The following OPCML variants were observed in gnomAD, a reference collection of about 807,000 sequenced individuals.
OPCML encodes opioid binding protein/cell adhesion molecule like, also known as opioid-binding protein/cell adhesion molecule.
In OPCML, 13 loss-of-function variants were observed where a neutral mutation model predicts 37.8. The ratio of observed to expected loss-of-function variants is 0.34; its 90% confidence interval spans 0.22 to 0.55. The LOEUF is 0.55. Ranked by LOEUF, OPCML falls within the 20% of genes least tolerant of loss-of-function variation. OPCML has a pLI of 0.91. For missense variants in OPCML, 341 were observed against 435.6 expected, an observed-to-expected ratio of 0.78 and a Z score of 1.93; for synonymous variants, 176 against 168.8, an observed-to-expected ratio of 1.04 and a Z score of -0.33.
intron 1 of OPCML, among the ~76,000 whole-genome samples, chr11:132,976,815 A>G (rs1946474164): frequency 6.6e-6 from 1 of 152,220 alleles, no homozygotes; most frequent in Non-Finnish European, 1.5e-5. Flanking sequence ...GAAAAAGAAA[A>G]CAGTGTTCTT....
chr11:132,750,570 G>A (rs867623263), intron 2 of OPCML, among the ~76,000 whole-genome samples: 2 of 152,188 alleles, frequency 1.3e-5, no homozygotes, highest in East Asian at 1.9e-4. Context: ...AGTCAAGAAC[G>A]AGGAGAGACA....
rs565943827 is a variant in OPCML at position 133,087,207 on chromosome 11, T to C, written c.62-144197A>G. Among the ~76,000 whole-genome samples the C allele has an allele frequency of 3.9e-5, 6 of 152,366 alleles. No individual in the cohort carries two copies. The South Asian group carries it at 1.2e-3, about 32-fold the overall frequency. ...TTAGGCTCTTTCAACATTATCGTTA[T>C]ATTTACCAACATTTTCCAAGTTGAT... On this transcript the variant is annotated intron_variant, in intron 1 of 7. Coordinates refer to ENST00000524381, the MANE Select transcript of OPCML (RefSeq NM_001012393.5).
chr11:132,466,895 T>C (rs1439550285), intron 4 of OPCML, among the ~76,000 whole-genome samples: 2 of 152,158 alleles, frequency 1.3e-5, no homozygotes, highest in African/African-American at 4.8e-5. Context: ...TTTATAGAGA[T>C]TTATTATAAT....
chr11:133,432,968 A>G (rs1946155529), intron 1 of OPCML, among the ~76,000 whole-genome samples: 1 of 152,216 alleles, frequency 6.6e-6, no homozygotes, highest in Admixed American at 6.5e-5. Context: ...GAATGGTGCC[A>G]TGAACCAAGG....
intron 4 of OPCML, among the ~76,000 whole-genome samples, chr11:132,520,674 ATG>A (rs1555144701): frequency 1.6e-3 from 202 of 128,092 alleles, no homozygotes; most frequent in African/African-American, 3.1e-3. Context: ...CTAAATATAT[ATG>A]TGTGTGTGTG....
At chr11:133,146,045 G>A (rs1949892405) in intron 1 of OPCML, among the ~76,000 whole-genome samples, 1 of 152,296 alleles carries the variant, frequency 6.6e-6, no homozygotes, top group Non-Finnish European at 1.5e-5. Context: ...ATAGATCCAT[G>A]ATTGAAGCGA....
chr11:132,558,291 C>T (rs1190638754), intron 3 of OPCML, among the ~76,000 whole-genome samples: 2 of 115,236 alleles, frequency 1.7e-5, no homozygotes, highest in African/African-American at 8.5e-5. Flanking sequence ...CTTCCTCTTC[C>T]TCTTCTCCCC....
intron 1 of OPCML, among the ~76,000 whole-genome samples, chr11:133,451,435 A>T (rs955111169): frequency 3.3e-5 from 5 of 151,778 alleles, no homozygotes; most frequent in Non-Finnish European, 5.9e-5. Flanking sequence ...CTGCAGTCTC[A>T]CTGGCTTGTG....
At chr11:133,087,936 T>G (rs1261065801) in intron 1 of OPCML, among the ~76,000 whole-genome samples, 1 of 152,210 alleles carries the variant, frequency 6.6e-6, no homozygotes, top group African/African-American at 2.4e-5. Flanking sequence ...ATGTGTGAAC[T>G]GTAATTATCA....
chr11:132,638,186 T>TATATATATATATAGAGAG (rs71067383), intron 3 of OPCML, among the ~76,000 whole-genome samples: 3 of 131,020 alleles, frequency 2.3e-5, no homozygotes, highest in African/African-American at 8.3e-5. Context: ...TATATATATA[T>TATATATATATATAGAGAG]ACAGAGAGAG....
intron 1 of OPCML, among the ~76,000 whole-genome samples, chr11:133,147,264 C>T (rs2137181037): frequency 6.6e-6 from 1 of 152,240 alleles, no homozygotes; most frequent in Admixed American, 6.5e-5. Flanking sequence ...AACCTGCTGA[C>T]CACTCAGAAG....
chr11:133,221,142 T>C (rs187403838), intron 1 of OPCML, among the ~76,000 whole-genome samples: 1 of 152,260 alleles, frequency 6.6e-6, no homozygotes, highest in African/African-American at 2.4e-5. Flanking sequence ...CACTTTTGAG[T>C]CTTTGGCTGG....
At chr11:132,609,429 G>C (rs1489811405) in intron 3 of OPCML, among the ~76,000 whole-genome samples, 1 of 152,022 alleles carries the variant, frequency 6.6e-6, no homozygotes, top group Non-Finnish European at 1.5e-5. Context: ...GCAGGTTCCG[G>C]TTAACATTTC....
chr11:132,797,958 A>C (rs1433938804), intron 2 of OPCML, among the ~76,000 whole-genome samples: 1 of 152,214 alleles, frequency 6.6e-6, no homozygotes, highest in Non-Finnish European at 1.5e-5. Flanking sequence ...CTTTCATAAA[A>C]GACCTCTCTA....
At chr11:132,557,846 T>G (rs1246274085) in intron 3 of OPCML, among the ~76,000 whole-genome samples, 1 of 152,182 alleles carries the variant, frequency 6.6e-6, no homozygotes, top group Non-Finnish European at 1.5e-5. Context: ...CAGAAAAGGC[T>G]CTGCAGAAGA....
chr11:132,898,534 A>G (rs1943932859), intron 2 of OPCML, among the ~76,000 whole-genome samples: 1 of 152,172 alleles, frequency 6.6e-6, no homozygotes, highest in Non-Finnish European at 1.5e-5. Flanking sequence ...GGCCTTTTGA[A>G]GTTGCAGTTA....
chr11:132,702,334 T>A (rs191834314), intron 2 of OPCML, among the ~76,000 whole-genome samples: 1 of 152,204 alleles, frequency 6.6e-6, no homozygotes, highest in South Asian at 2.1e-4. Flanking sequence ...ATAATATTCT[T>A]GTTTAACGCT....
intron 2 of OPCML, among the ~76,000 whole-genome samples, chr11:132,850,233 C>T (rs1402320687): frequency 6.6e-6 from 1 of 152,180 alleles, no homozygotes; most frequent in African/African-American, 2.4e-5. Flanking sequence ...GGAAAGCGAG[C>T]CCTACTTGCC....
chr11:132,793,706 C>G lies in OPCML; in HGVS notation c.147-136387G>C, dbSNP rs59525525. On this transcript the variant is annotated intron_variant, in intron 2 of 7. Coordinates refer to ENST00000524381, the MANE Select transcript of OPCML (RefSeq NM_001012393.5). ...TTGTCAGCTCAGTCTTGGAAGCACACACCCATGATGCCACTGTCATCTCCT... is the reference window on the plus strand; with the variant it reads ...TTGTCAGCTCAGTCTTGGAAGCACAGACCCATGATGCCACTGTCATCTCCT... Among the ~76,000 whole-genome samples the G allele has an allele frequency of 2.3e-3, 344 of 152,298 alleles. 1 individual carries two copies. Among genetic ancestry groups the G allele is most frequent in the African/African-American group, 7.9e-3 (328 of 41,562 alleles).
Sources: allele counts gnomAD v4.1 joint callset (sites outside exome capture counted in the v4.1 genomes callset), GRCh38; gene constraint gnomAD v4.1.1; transcripts MANE v1.5; gene names NCBI Gene and HGNC (gene_info 2026-07-23, HGNC 2026-07-21).